The following CLMP variants were observed in gnomAD, a reference collection of about 807,000 sequenced individuals.
The protein encoded by CLMP is CXADR like cell adhesion molecule, also known as CXADR-like membrane protein.
In CLMP, 27 loss-of-function variants were observed where a neutral mutation model predicts 45.2. The observed-to-expected ratio is 0.60, with a 90% CI of 0.44 to 0.82. The LOEUF (loss-of-function observed/expected upper bound fraction) is 0.82, where lower values mean the gene tolerates loss of function less well. Among genes scored for constraint, CLMP ranks in the 40% least tolerant of loss-of-function variants. CLMP has a pLI of 0.00. For missense variants in CLMP, 403 were observed against 448.4 expected, an observed-to-expected ratio of 0.90 and a Z score of 0.91; for synonymous variants, 167 against 171.4, an observed-to-expected ratio of 0.97 and a Z score of 0.20.
chr11:123,124,053 G>C (rs956618248), intron 1 of CLMP, among the ~76,000 whole-genome samples: 2 of 152,160 alleles, frequency 1.3e-5, no homozygotes, highest in African/African-American at 2.4e-5. Context: ...TTTGATGGGA[G>C]AGTTAGGAGA....
At chr11:123,170,721 G>A (rs553612976) in intron 1 of CLMP, among the ~76,000 whole-genome samples, 27 of 152,128 alleles carry the variant, frequency 1.8e-4, no homozygotes, top group Non-Finnish European at 2.9e-4. Context: ...GATTACAGGC[G>A]TGAGCCACCA....
At chr11:123,133,624 C>T (rs1861023911) in intron 1 of CLMP, among the ~76,000 whole-genome samples, 1 of 152,032 alleles carries the variant, frequency 6.6e-6, no homozygotes, top group Non-Finnish European at 1.5e-5. Context: ...ACATCCTACC[C>T]CAAAATATGA....
At chr11:123,103,030 C>T (rs1431603751) in intron 1 of CLMP, among the ~76,000 whole-genome samples, 1 of 152,148 alleles carries the variant, frequency 6.6e-6, no homozygotes, top group African/African-American at 2.4e-5. Context: ...AACCCACACG[C>T]TCATTTTTAC....
intron 1 of CLMP, among the ~76,000 whole-genome samples, chr11:123,176,904 C>T (rs1042177379): frequency 6.6e-6 from 1 of 152,154 alleles, no homozygotes; most frequent in African/African-American, 2.4e-5. Flanking sequence ...GGGTCATTCA[C>T]TTGTCCATTC....
At chr11:123,109,077 A>AAAAG (rs1230104989) in intron 1 of CLMP, among the ~76,000 whole-genome samples, 21 of 151,310 alleles carry the variant, frequency 1.4e-4, no homozygotes, top group Non-Finnish European at 2.1e-4. Context: ...AAAAAAAAAA[A>AAAAG]AAAGAAAGAA....
At chr11:123,082,271 C>A (rs919429849) in intron 5 of CLMP, among the ~76,000 whole-genome samples, 1 of 152,184 alleles carries the variant, frequency 6.6e-6, no homozygotes, top group Non-Finnish European at 1.5e-5. Flanking sequence ...CTTTAGGGGG[C>A]TGGCTAATTC....
chr11:123,092,680 CT>C (rs1054436846), intron 2 of CLMP, among the ~76,000 whole-genome samples: 8 of 151,970 alleles, frequency 5.3e-5, no homozygotes, highest in African/African-American at 1.9e-4. Context: ...TCCCTGCAAC[CT>C]TCGCCTCCTG....
intron 2 of CLMP, among the ~76,000 whole-genome samples, chr11:123,091,708 T>C (rs1429201207): frequency 1.3e-5 from 2 of 152,204 alleles, no homozygotes; most frequent in African/African-American, 4.8e-5. Flanking sequence ...TGTGGAAATT[T>C]GTCTGTGTAA....
At chr11:123,100,900 C>T (rs1164531108) in intron 1 of CLMP, among the ~76,000 whole-genome samples, 4 of 151,922 alleles carry the variant, frequency 2.6e-5, no homozygotes, top group Admixed American at 6.6e-5. Context: ...TTCCAGGTTG[C>T]TCCTTAGAGC....
intron 1 of CLMP, among the ~76,000 whole-genome samples, chr11:123,150,416 T>TAAGAAAGGAAGAAAGAAAGA (rs1861297567): frequency 6.5e-5 from 2 of 30,892 alleles, no homozygotes; most frequent in African/African-American, 2.8e-4. Flanking sequence ...GGAAGGAAGG[T>TAAGAAAGGAAGAAAGAAAGA]AAGAAAGAAA....
At chr11:123,136,944 T>C (rs982552386) in intron 1 of CLMP, among the ~76,000 whole-genome samples, 25 of 152,002 alleles carry the variant, frequency 1.6e-4, no homozygotes, top group African/African-American at 4.6e-4. Flanking sequence ...GCTAATGGCA[T>C]TTGGTTTTAG....
intron 5 of CLMP, among the ~76,000 whole-genome samples, chr11:123,079,391 T>C (rs772812111): frequency 2.0e-5 from 3 of 152,208 alleles, no homozygotes; most frequent in Non-Finnish European, 4.4e-5. Flanking sequence ...GGGGCCTCTT[T>C]ATTCATGTTT....
intron 1 of CLMP, among the ~76,000 whole-genome samples, chr11:123,106,412 TGTGTGTGTGTGTGC>T (rs1195046893): frequency 4.7e-5 from 6 of 127,872 alleles, no homozygotes; most frequent in East Asian, 2.6e-4. Context: ...TGTGTGTGTG[TGTGTGTGTGTGTGC>T]GCGCGCGCGC....
At position 123,080,820 on chromosome 11, in the gene CLMP, T is replaced by C. The variant is rs191560000; in HGVS notation, c.679+2265A>G. 2.6e-5 allele frequency among the ~76,000 whole-genome samples: 4 copies of C among 152,246 alleles called. No homozygotes were observed. The East Asian group carries it at 5.8e-4, about 22-fold the overall frequency. ...AACTTTGAAAAAAGTAAAATACTGA[T>C]TCCGACAAATTAAAGGTTTTATTTA... On this transcript the variant is annotated intron_variant, in intron 5 of 6. Coordinates refer to ENST00000448775, the MANE Select transcript of CLMP (RefSeq NM_024769.5).
intron 1 of CLMP, among the ~76,000 whole-genome samples, chr11:123,154,304 C>A (rs903578356): frequency 6.6e-6 from 1 of 152,136 alleles, no homozygotes; most frequent in Non-Finnish European, 1.5e-5. Context: ...CCTGAACATG[C>A]AAAACTTGCC....
At chr11:123,089,892 G>A (rs1433900517) in intron 2 of CLMP, among the ~76,000 whole-genome samples, 1 of 151,734 alleles carries the variant, frequency 6.6e-6, no homozygotes, top group African/African-American at 2.4e-5. Context: ...CCGAGGTCGG[G>A]AGTTCGAGAC....
rs1403781810 is a variant in CLMP, at chr11:123,087,253, C to T, written c.187-2540G>A. 5.9e-5 allele frequency among the ~76,000 whole-genome samples: 9 copies of T among 152,094 alleles called. No individual in the cohort carries two copies. In the East Asian group the frequency reaches 1.7e-3, roughly 29 times the overall value. On this transcript the variant is annotated intron_variant, in intron 2 of 6. Transcript: ENST00000448775. ...TCGGGAGGCTGAGGCAGGAGAATTG[C>T]TTGAACCCGGGAGGCGGAGGTTGCA...
At chr11:123,087,911 CTT>C (rs961273617) in intron 2 of CLMP, among the ~76,000 whole-genome samples, 7 of 144,096 alleles carry the variant, frequency 4.9e-5, no homozygotes, top group African/African-American at 1.0e-4. Context: ...CGTTTTGTTT[CTT>C]TTTTTTTTTT....
chr11:123,168,559 G>C (rs1391253615), intron 1 of CLMP, among the ~76,000 whole-genome samples: 1 of 152,092 alleles, frequency 6.6e-6, no homozygotes, highest in Non-Finnish European at 1.5e-5. Context: ...GTGTCCCCTG[G>C]GAGCCGGGTA....
Sources: allele counts gnomAD v4.1 joint callset (sites outside exome capture counted in the v4.1 genomes callset), GRCh38; gene constraint gnomAD v4.1.1; transcripts MANE v1.5; gene names NCBI Gene and HGNC (gene_info 2026-07-23, HGNC 2026-07-21).